The following AFMID variants were observed in gnomAD, a reference collection of about 807,000 sequenced individuals.
AFMID encodes kynurenine formamidase.
In AFMID, 39 loss-of-function variants were observed where a neutral mutation model predicts 47.5. The ratio of observed to expected loss-of-function variants is 0.82; its 90% confidence interval spans 0.64 to 1.07. The LOEUF (loss-of-function observed/expected upper bound fraction) is 1.07, where lower values mean the gene tolerates loss of function less well. Ranked by LOEUF, AFMID falls within the 50% of genes least tolerant of loss-of-function variation. The probability of loss-of-function intolerance (pLI) is 0.00; values close to 1 mark genes in which losing one functional copy is unlikely to be tolerated. For missense variants in AFMID, 375 were observed against 387.5 expected, an observed-to-expected ratio of 0.97 and a Z score of 0.27; for synonymous variants, 130 against 153.2, an observed-to-expected ratio of 0.85 and a Z score of 1.12.
chr17:78,201,293 CAAA>C (rs200594725), intron 2 of AFMID, among the ~76,000 whole-genome samples: 1 of 117,964 alleles, frequency 8.5e-6, no homozygotes, highest in Non-Finnish European at 1.8e-5. Context: ...GACTCCGTCG[CAAA>C]AAAAAAAAAA....
chr17:78,204,532 C>A, intron 4 of AFMID, 124 bp from the exon 5 acceptor site: 1 of 894,364 alleles, frequency 1.1e-6, no homozygotes, highest in Non-Finnish European at 1.8e-6. Context: ...CACTCTCTCA[C>A]ATGGGACCAG....
chr17:78,198,400 A>G (rs1361704676), intron 2 of AFMID, among the ~76,000 whole-genome samples: 1 of 151,494 alleles, frequency 6.6e-6, no homozygotes, highest in Non-Finnish European at 1.5e-5. Flanking sequence ...GGAGTTCGAG[A>G]CCAACCTGGC....
rs575111559 is a variant in AFMID at position 78,206,317 on chromosome 17, C to T, written c.885+267C>T. Among the ~76,000 whole-genome samples the T allele has an allele frequency of 2.5e-3, 177 of 71,428 alleles. 1 individual carries two copies. The highest frequency in any genetic ancestry group is 0.011 in the African/African-American group (163 of 14,212). The allele number at this position is 71,428 out of a possible 152,430, so 46.9% of individuals were successfully genotyped here. A position where few individuals can be genotyped will look rare whatever the true frequency, so the allele number is the denominator to read the frequency against. ...TTGCACCACTGCACTCCGGCCTGAGCGACAGAGTAAGACTCTGTCTCAAAA... is the reference window on the plus strand; with the variant it reads ...TTGCACCACTGCACTCCGGCCTGAGTGACAGAGTAAGACTCTGTCTCAAAA... On this transcript the variant is annotated intron_variant, in intron 10 of 10. Transcript: ENST00000409257.
chr17:78,199,506 C>T (rs1037495848), intron 2 of AFMID, among the ~76,000 whole-genome samples: 1 of 152,092 alleles, frequency 6.6e-6, no homozygotes. Context: ...TCCTGAGTAG[C>T]TGGGAGTACA....
At chr17:78,197,181 T>C in intron 2 of AFMID, 1 of 1,550,532 alleles carries the variant, frequency 6.4e-7, no homozygotes, top group South Asian at 1.2e-5. Flanking sequence ...ATCACGACCT[T>C]CTGATGAAGC....
Position 78,200,171 on chromosome 17 carries a change from T to G in AFMID, c.155-2328T>G, listed in dbSNP as rs113554893. Among the ~76,000 whole-genome samples the G allele has an allele frequency of 2.5e-3, 388 of 152,310 alleles. 3 individuals carry two copies. The highest frequency in any genetic ancestry group is 8.9e-3 in the African/African-American group (368 of 41,558). On this transcript the variant is annotated intron_variant, in intron 2 of 10. Coordinates refer to ENST00000409257, the MANE Select transcript of AFMID (RefSeq NM_001010982.5). ...TTTTGGTTTGGTTTGGTTTGGTTTG[T>G]TTGATACAGAGTCTTGCTCTGTCGC...
At position 78,205,826 on chromosome 17, in the gene AFMID, C is replaced by T. The variant is rs1249524386; in HGVS notation, c.780+88C>T. ...TTCTTTTACCCAAGTGGACAAGACC[C>T]TCCATCATTTATTTAACACGTACTG... On this transcript the variant is annotated intron_variant, in intron 9 of 10. Transcript: ENST00000409257. The T allele has an allele frequency of 6.3e-6, 10 of 1,595,834 alleles. No homozygotes were observed. In the African/African-American group the frequency reaches 1.3e-4, roughly 21 times the overall value.
intron 1 of AFMID, 25 bp from the exon 2 acceptor site, chr17:78,190,945 G>C: frequency 6.2e-7 from 1 of 1,608,330 alleles, no homozygotes; most frequent in South Asian, 1.1e-5. Context: ...AAAGTCTTAC[G>C]GAGCCTCATG....
Position 78,207,224 on chromosome 17 carries a change from T to A in AFMID, c.*287T>A. On this transcript the variant is annotated 3_prime_UTR_variant, in exon 11 of 11. Coordinates refer to ENST00000409257, the MANE Select transcript of AFMID (RefSeq NM_001010982.5). ...CTTAGACTCGTCTGGCCCATCTACC[T>A]GCTGACAGAGCATGACAAAGATGAC... is the stretch of plus-strand genomic sequence containing the variant. The A allele has an allele frequency of 2.4e-6, 1 of 414,948 alleles. No homozygotes were observed. Among genetic ancestry groups the A allele is most frequent in the Non-Finnish European group, 4.3e-6 (1 of 233,852 alleles). The allele number at this position is 414,948 out of a possible 1,614,324, so 25.7% of individuals were successfully genotyped here. A position where few individuals can be genotyped will look rare whatever the true frequency, so the allele number is the denominator to read the frequency against.
intron 2 of AFMID, chr17:78,197,149 T>C (rs1386100920): frequency 1.9e-6 from 3 of 1,549,292 alleles, no homozygotes; most frequent in Non-Finnish European, 2.6e-6. Flanking sequence ...TTTATAGGCT[T>C]GAGAACTCCT....
In AFMID at chr17:78,206,970, A is replaced by G; in HGVS notation, c.*33A>G. 6.2e-7 allele frequency: 1 copy of G among 1,610,204 alleles called. No individual in the cohort carries two copies. The highest frequency in any genetic ancestry group is 8.5e-7 in the Non-Finnish European group (1 of 1,176,486). ...GATACTTGGAGCCTGGTCCACGTGC[A>G]TCCCACCTTGGGAAGCCTCTCCAAA... is the stretch of plus-strand genomic sequence containing the variant. On this transcript the variant is annotated 3_prime_UTR_variant, in exon 11 of 11. Transcript: ENST00000409257.
intron 1 of AFMID, among the ~76,000 whole-genome samples, chr17:78,189,219 C>CTTTTTTTTTTT (rs770863206): frequency 8.1e-6 from 1 of 122,750 alleles, no homozygotes; most frequent in African/African-American, 3.2e-5. Context: ...TTCCTTGTTA[C>CTTTTTTTTTTT]TTTTTTTTTT....
intron 2 of AFMID, among the ~76,000 whole-genome samples, chr17:78,193,708 C>T (rs2076035928): frequency 6.6e-6 from 1 of 151,882 alleles, no homozygotes; most frequent in Non-Finnish European, 1.5e-5. Flanking sequence ...CCAGGCGTGG[C>T]AGCTCACGCA....
chr17:78,205,464 T>C lies in AFMID; in HGVS notation c.590T>C (p.Phe197Ser), dbSNP rs757112931. The change falls in exon 8 of 11, where the codon TTT becomes TCT. Residue 197 changes from phenylalanine to serine, a missense_variant. Physicochemically the swap from Phe to Ser is radical, Grantham distance 155. Coordinates refer to ENST00000409257, the MANE Select transcript of AFMID (RefSeq NM_001010982.5). Reference sequence around the variant, plus strand: ...GGCTTTTTCCTGGTGAGTGGGGTCTTTGACCTGGAGCCCATCGTGTATACT... The same window carrying C: ...GGCTTTTTCCTGGTGAGTGGGGTCTCTGACCTGGAGCCCATCGTGTATACT... ...LRGFFLVSGV[F>S]DLEPIVYTSQ... 5 of 1,614,062 alleles carry C rather than the reference T, an allele frequency of 3.1e-6. No individual in the cohort carries two copies. The highest frequency in any genetic ancestry group is 3.3e-5 in the Admixed American group (2 of 60,002).
intron 2 of AFMID, chr17:78,192,747 G>A (rs1369691990): frequency 1.4e-5 from 6 of 434,648 alleles, no homozygotes; most frequent in Admixed American, 2.5e-5. Context: ...TAATGCATCC[G>A]TGCTGGGATG....
intron 4 of AFMID, 57 bp from the exon 5 acceptor site, chr17:78,204,599 A>G (rs948504420): frequency 1.9e-6 from 3 of 1,557,504 alleles, no homozygotes; most frequent in Non-Finnish European, 1.8e-6. Flanking sequence ...TCCAGGACAC[A>G]GGAAGCAGCG....
chr17:78,200,093 A>G (rs1213268609), intron 2 of AFMID, among the ~76,000 whole-genome samples: 2 of 151,958 alleles, frequency 1.3e-5, no homozygotes, highest in African/African-American at 4.8e-5. Flanking sequence ...GGAACCTATG[A>G]AAATCCTAAC....
intron 2 of AFMID, among the ~76,000 whole-genome samples, chr17:78,194,909 G>A (rs1377075573): frequency 6.6e-6 from 1 of 151,832 alleles, no homozygotes; most frequent in Non-Finnish European, 1.5e-5. Flanking sequence ...GGTCAGGCTG[G>A]TCTCAAACTC....
At chr17:78,203,066 T>C (rs2076289101) in intron 4 of AFMID, 4 of 312,054 alleles carry the variant, frequency 1.3e-5, no homozygotes, top group Non-Finnish European at 1.8e-5. Context: ...TTTTTTTTTT[T>C]TTTTTTTTTT....
Sources: allele counts gnomAD v4.1 joint callset (sites outside exome capture counted in the v4.1 genomes callset), GRCh38; gene constraint gnomAD v4.1.1; transcripts MANE v1.5; gene names NCBI Gene and HGNC (gene_info 2026-07-23, HGNC 2026-07-21).